RANBP2: variants seen among roughly 807,000 people sequenced by gnomAD.
RANBP2 encodes E3 SUMO-protein ligase RanBP2.
RANBP2 carries 57 observed loss-of-function variants against 303.6 expected under a neutral mutation model. The observed-to-expected ratio is 0.19, with a 90% CI of 0.15 to 0.23. The LOEUF (loss-of-function observed/expected upper bound fraction) is 0.23. RANBP2 is among the 10% of genes least tolerant of loss of function. The pLI is 1.00. For missense variants in RANBP2, 3,138 were observed against 3,780.8 expected (o/e 0.83, Z 4.46); for synonymous variants, 1,167 against 1,301.5 (o/e 0.90, Z 2.23).
chr2:109,734,523 G>A, the RANBP2 span, among the ~76,000 whole-genome samples: 30 of 152,104 alleles, frequency 2.0e-4, no homozygotes, highest in South Asian at 5.8e-3. Flanking sequence ...CTGTGTTTGT[G>A]GATAGGAAGA....
At chr2:109,434,966 C>T in the RANBP2 span, among the ~76,000 whole-genome samples, 4 of 152,216 alleles carry the variant, frequency 2.6e-5, no homozygotes, top group African/African-American at 4.8e-5. Flanking sequence ...GACACTGGAG[C>T]ACTTAGAGTG....
At chr2:109,579,205 A>C in the RANBP2 span, among the ~76,000 whole-genome samples, 2 of 152,236 alleles carry the variant, frequency 1.3e-5, no homozygotes, top group Non-Finnish European at 2.9e-5. Flanking sequence ...CTGGAAAATT[A>C]TAACTTACAA....
the RANBP2 span, among the ~76,000 whole-genome samples, chr2:109,292,090 C>G: frequency 3.9e-5 from 6 of 152,206 alleles, no homozygotes; most frequent in Non-Finnish European, 5.9e-5. Context: ...GTCTCGATCT[C>G]CTGACCTCGT....
the RANBP2 span, among the ~76,000 whole-genome samples, chr2:109,208,631 G>A: frequency 2.6e-5 from 4 of 152,172 alleles, no homozygotes; most frequent in East Asian, 1.9e-4. Context: ...TGACTTTACT[G>A]TTTTAATACA....
chr2:109,129,555 G>C, the RANBP2 span: 1 of 1,492,494 alleles, frequency 6.7e-7, no homozygotes, highest in Non-Finnish European at 8.9e-7. Flanking sequence ...TGCTCGGAGC[G>C]TCCTGGCTGT....
the RANBP2 span, among the ~76,000 whole-genome samples, chr2:109,231,797 A>G: frequency 6.6e-6 from 1 of 152,146 alleles, no homozygotes; most frequent in Non-Finnish European, 1.5e-5. Context: ...TTCTCCTCTT[A>G]TTCATTTTTA....
chr2:109,500,462 C>CT, the RANBP2 span, among the ~76,000 whole-genome samples: 1 of 152,156 alleles, frequency 6.6e-6, no homozygotes, highest in Non-Finnish European at 1.5e-5. Context: ...GCTCCTGTCT[C>CT]TGATTCCACA....
At chr2:109,722,794 C>T in the RANBP2 span, among the ~76,000 whole-genome samples, 1 of 152,198 alleles carries the variant, frequency 6.6e-6, no homozygotes, top group Non-Finnish European at 1.5e-5. Context: ...ATCTATGTCC[C>T]TGCAAAGGAC....
intron 25 of RANBP2, 105 bp downstream of exon 25, chr2:108,777,336 C>A: frequency 1.9e-6 from 1 of 532,334 alleles, no homozygotes; most frequent in Non-Finnish European, 3.0e-6. Flanking sequence ...AGTTTCTTCC[C>A]TTACCCCCCA....
chr2:108,773,590 A>G (rs981301996), intron 23 of RANBP2, among the ~76,000 whole-genome samples: 2 of 152,130 alleles, frequency 1.3e-5, no homozygotes, highest in Non-Finnish European at 2.9e-5. Flanking sequence ...TAGAATATCA[A>G]TTTTCCGAAA....
the RANBP2 span, among the ~76,000 whole-genome samples, chr2:109,600,307 A>G: frequency 6.6e-6 from 1 of 152,024 alleles, no homozygotes; most frequent in African/African-American, 2.4e-5. Flanking sequence ...CACAGGCAAT[A>G]CTACCCCTGC....
chr2:109,506,070 C>G, the RANBP2 span, among the ~76,000 whole-genome samples: 1 of 152,302 alleles, frequency 6.6e-6, no homozygotes, highest in South Asian at 2.1e-4. Flanking sequence ...AGTAATTTGC[C>G]TTTACTGATT....
At chr2:108,888,705 T>G in the RANBP2 span, among the ~76,000 whole-genome samples, 6 of 152,042 alleles carry the variant, frequency 3.9e-5, no homozygotes, top group African/African-American at 1.4e-4. Flanking sequence ...TTTCCTTGAT[T>G]AATTTAGCTA....
At chr2:109,276,267 A>C in the RANBP2 span, among the ~76,000 whole-genome samples, 1 of 152,224 alleles carries the variant, frequency 6.6e-6, no homozygotes, top group Non-Finnish European at 1.5e-5. Flanking sequence ...TTAGAAGAAG[A>C]AAAAGTTATT....
At chr2:108,808,257 G>A in the RANBP2 span, among the ~76,000 whole-genome samples, 5 of 151,996 alleles carry the variant, frequency 3.3e-5, no homozygotes, top group African/African-American at 4.8e-5. Context: ...TTTATCTATC[G>A]ATGGACACAT....
At chr2:109,406,920 G>A in the RANBP2 span, among the ~76,000 whole-genome samples, 6 of 152,308 alleles carry the variant, frequency 3.9e-5, no homozygotes, top group South Asian at 2.1e-4. Flanking sequence ...GAGGAGAACC[G>A]TCCCCAGGTG....
chr2:109,230,124 G>A, the RANBP2 span, among the ~76,000 whole-genome samples: 3 of 151,804 alleles, frequency 2.0e-5, no homozygotes, highest in East Asian at 1.9e-4. Flanking sequence ...GCACCTGGCC[G>A]ATTTTTTTTT....
the RANBP2 span, among the ~76,000 whole-genome samples, chr2:109,043,792 T>C: frequency 6.6e-6 from 1 of 152,224 alleles, no homozygotes; most frequent in South Asian, 2.1e-4. Flanking sequence ...TTGGATTTTA[T>C]CTTCTAGTTA....
chr2:109,381,518 C>T, the RANBP2 span, among the ~76,000 whole-genome samples: 2 of 152,138 alleles, frequency 1.3e-5, no homozygotes, highest in Non-Finnish European at 2.9e-5. Context: ...GCCCTCCCTT[C>T]AGCGTGGCCA....
Sources: allele counts gnomAD v4.1 joint callset (sites outside exome capture counted in the v4.1 genomes callset), GRCh38; gene constraint gnomAD v4.1.1; transcripts MANE v1.5; gene names NCBI Gene and HGNC (gene_info 2026-07-23, HGNC 2026-07-21).